The following CFAP20DC variants were observed in gnomAD, a reference collection of about 807,000 sequenced individuals.
The protein encoded by CFAP20DC is protein CFAP20DC.
A neutral mutation model predicts 101.7 loss-of-function variants in CFAP20DC; 84 were observed. The ratio of observed to expected loss-of-function variants is 0.83; its 90% CI spans 0.69 to 0.99. The LOEUF is 0.99. Among genes scored for constraint, CFAP20DC ranks in the 50% least tolerant of loss-of-function variants. The probability of loss-of-function intolerance (pLI) is 0.00; values close to 1 mark genes in which losing one functional copy is unlikely to be tolerated. For missense variants in CFAP20DC, 1,007 were observed against 970.3 expected (o/e 1.04, Z -0.50); for synonymous variants, 359 against 351.2 (o/e 1.02, Z -0.25).
rs1254410933 is a variant in CFAP20DC, at chr3:58,882,484, A to T, written c.715+2061T>A. Reference sequence around the variant, plus strand: ...AAAGCATTTACAATGGCAAACAATTATCTGATATGCTTTATAGTTTAGCAT... The same window carrying T: ...AAAGCATTTACAATGGCAAACAATTTTCTGATATGCTTTATAGTTTAGCAT... On this transcript the variant is annotated intron_variant, in intron 7 of 16. Transcript: ENST00000482387. This position sits in a 1 kb window ranked among gnomAD's most constrained non-coding sequence, Gnocchi z 4.2. 2.0e-5 allele frequency among the ~76,000 whole-genome samples: 3 copies of T among 152,334 alleles called. No homozygotes were observed. The highest frequency in any genetic ancestry group is 4.1e-4 in the South Asian group (2 of 4,830).
chr3:58,863,990 C>G lies in CFAP20DC; in HGVS notation c.1259-98G>C, dbSNP rs1018085622. 1 of 1,202,480 alleles carries G rather than the reference C, an allele frequency of 8.3e-7. No individual in the cohort carries two copies. The highest frequency in any genetic ancestry group is 1.5e-5 in the African/African-American group (1 of 65,156). 74.5% of individuals were successfully genotyped at this position (1,202,480 alleles called of 1,614,324 possible). On this transcript the variant is annotated intron_variant, in intron 11 of 16. Transcript: ENST00000482387. This position sits in a 1 kb window ranked among gnomAD's most constrained non-coding sequence, Gnocchi z 5.9. ...AGTTTTAGTTTTTGAGACAGTCTCA[C>G]TCTGCCGCCTAGGCTGCAGTGCAGT...
chr3:58,763,115 T>A (rs537966529), intron 15 of CFAP20DC, among the ~76,000 whole-genome samples: 1 of 152,224 alleles, frequency 6.6e-6, no homozygotes, highest in Admixed American at 6.5e-5. Flanking sequence ...TTCTCCTGGA[T>A]AATATCCTGC....
intron 5 of CFAP20DC, among the ~76,000 whole-genome samples, chr3:58,915,220 G>A (rs1290201018): frequency 6.6e-6 from 1 of 152,118 alleles, no homozygotes; most frequent in Non-Finnish European, 1.5e-5. Flanking sequence ...GTCCCTGTCA[G>A]TCATCTAAAC....
chr3:58,975,688 G>C (rs2108431266), intron 4 of CFAP20DC, among the ~76,000 whole-genome samples: 1 of 152,242 alleles, frequency 6.6e-6, no homozygotes, highest in African/African-American at 2.4e-5. Flanking sequence ...TTAAAAGCAA[G>C]GTTATGCTCA....
intron 14 of CFAP20DC, among the ~76,000 whole-genome samples, chr3:58,809,195 A>G (rs2074386816): frequency 6.6e-6 from 1 of 152,134 alleles, no homozygotes; most frequent in Non-Finnish European, 1.5e-5. Context: ...CTCTGCACCA[A>G]GCGGACCTAA....
At chr3:59,031,010 G>T (rs2093984514) in intron 4 of CFAP20DC, among the ~76,000 whole-genome samples, 1 of 152,068 alleles carries the variant, frequency 6.6e-6, no homozygotes, top group Non-Finnish European at 1.5e-5. Context: ...TTTTAGTAGA[G>T]ATGGGGTTTC....
chr3:58,866,310 T>C (rs1307625733), intron 11 of CFAP20DC, among the ~76,000 whole-genome samples: 1 of 152,140 alleles, frequency 6.6e-6, no homozygotes, highest in Non-Finnish European at 1.5e-5. Context: ...AGGGTGACCA[T>C]GCCATGGGAA....
Position 58,722,543 on chromosome 3 carries a change from A to G in CFAP20DC, c.198-4915T>C, listed in dbSNP as rs1431336408. 6.6e-6 allele frequency among the ~76,000 whole-genome samples: 1 copy of G among 152,200 alleles called. No homozygotes were observed. The highest frequency in any genetic ancestry group is 2.1e-4 in the South Asian group (1 of 4,830). ...CTCTAATTCTCTCTCGTGATGGAGT[A>G]GAAACCTGAGAGATGCCACCTTCAA... On this transcript the variant is annotated intron_variant, in intron 3 of 3. Coordinates refer to the CFAP20DC transcript ENST00000486145. The surrounding 1 kb of genome is among the most constrained non-coding windows in gnomAD (Gnocchi z 4.5).
intron 5 of CFAP20DC, among the ~76,000 whole-genome samples, chr3:58,921,427 G>C (rs1174381887): frequency 6.6e-6 from 1 of 151,772 alleles, no homozygotes; most frequent in Non-Finnish European, 1.5e-5. Flanking sequence ...ACACATTTTG[G>C]TGTGCTTTAT....
chr3:58,759,894 ATC>A (rs2069373844), intron 15 of CFAP20DC, among the ~76,000 whole-genome samples: 1 of 152,088 alleles, frequency 6.6e-6, no homozygotes, highest in Non-Finnish European at 1.5e-5. Flanking sequence ...ATTGATCTAT[ATC>A]TCTGTTTTGG....
Position 58,831,877 on chromosome 3 carries a change from G to T in CFAP20DC, c.1984C>A (p.Arg662=). ...SIPEASEYDW[R]NYQPSQMSES... is the part of the protein sequence containing the mutation. ...CTCATCTGGCTTGGCTGATAGTTTC[G>T]CCAGTCATATTCCTGACCAAGAGAG... Residue 662 remains arginine (R), a synonymous_variant, in exon 14 of 17, where the codon CGA becomes AGA. Coordinates refer to ENST00000482387, the MANE Select transcript of CFAP20DC (RefSeq NM_001394063.1). 6.2e-7 allele frequency: 1 copy of T among 1,613,782 alleles called. No homozygotes were observed. The highest frequency in any genetic ancestry group is 8.5e-7 in the Non-Finnish European group (1 of 1,179,832).
intron 15 of CFAP20DC, among the ~76,000 whole-genome samples, chr3:58,760,724 A>C (rs1440504592): frequency 6.6e-6 from 1 of 152,164 alleles, no homozygotes; most frequent in East Asian, 1.9e-4. Context: ...TACCTAATTT[A>C]TTGAGAGTTT....
intron 3 of CFAP20DC, among the ~76,000 whole-genome samples, chr3:58,736,497 G>C (rs2067759712): frequency 6.6e-6 from 1 of 152,110 alleles, no homozygotes; most frequent in African/African-American, 2.4e-5. Context: ...ACTTCAGACT[G>C]GCATACTATC....
chr3:58,717,326 C>G (rs140712593), downstream of CFAP20DC: 4 of 215,718 alleles, frequency 1.9e-5, no homozygotes, highest in Admixed American at 5.5e-5. This position sits in a 1 kb window ranked among gnomAD's most constrained non-coding sequence, Gnocchi z 4.1. Flanking sequence ...CCTGGTCTGC[C>G]GTCCACACTC....
intron 15 of CFAP20DC, among the ~76,000 whole-genome samples, chr3:58,790,712 A>G (rs140716841): frequency 6.6e-6 from 1 of 152,194 alleles, no homozygotes; most frequent in African/African-American, 2.4e-5. Flanking sequence ...ATACTAGTCA[A>G]TGGTGTAACT....
intron 16 of CFAP20DC, among the ~76,000 whole-genome samples, chr3:58,747,102 A>C (rs1480027475): frequency 6.6e-6 from 1 of 152,200 alleles, no homozygotes; most frequent in Non-Finnish European, 1.5e-5. Flanking sequence ...TTAACAAATA[A>C]AACCATTTTC....
In CFAP20DC at chr3:58,842,510, T is replaced by C. The variant is rs576180070; in HGVS notation, c.1971+6522A>G. ...TATATCCCACACCTGGCTCGGAGGG[T>C]CCTACGCCCACGGAATCTCGCTGAT... On this transcript the variant is annotated intron_variant, in intron 13 of 16. Transcript: ENST00000482387. Among the ~76,000 whole-genome samples, 12 of 149,696 alleles carry C rather than the reference T, an allele frequency of 8.0e-5. 1 individual carries two copies. The South Asian group carries it at 2.3e-3, about 29-fold the overall frequency.
chr3:58,810,402 C>T (rs141122994), intron 14 of CFAP20DC, among the ~76,000 whole-genome samples: 1,598 of 151,944 alleles, frequency 0.011, 31 homozygotes, highest in African/African-American at 0.036. Context: ...GTTCAATATA[C>T]GCAAATCAAT....
Position 58,933,999 on chromosome 3 carries a change from G to C in CFAP20DC, c.393+3649C>G, listed in dbSNP as rs542457496. Reference sequence around the variant, plus strand: ...AATCCAGGAGCTGGTTTTTTGAAAGGATCAACAAAATTGATAGACCACTAG... The same window carrying C: ...AATCCAGGAGCTGGTTTTTTGAAAGCATCAACAAAATTGATAGACCACTAG... On this transcript the variant is annotated intron_variant, in intron 5 of 16. Coordinates refer to ENST00000482387, the MANE Select transcript of CFAP20DC (RefSeq NM_001394063.1). 3.2e-3 allele frequency among the ~76,000 whole-genome samples: 488 copies of C among 152,066 alleles called. 9 individuals are homozygous for C. The Middle Eastern group carries it at 0.034, about 11-fold the overall frequency.
Sources: gnomAD v4.1 joint callset for allele counts (sites outside exome capture counted in the v4.1 genomes callset) on GRCh38, gnomAD v4.1.1 for gene constraint, Gnocchi (gnomAD v3.1) non-coding constraint, MANE v1.5 for transcripts, NCBI Gene and HGNC (gene_info 2026-07-23, HGNC 2026-07-21) for gene names.